NUP160: variants seen among roughly 807,000 people sequenced by gnomAD.
NUP160 encodes nucleoporin 160, also known as nuclear pore complex protein Nup160.
A neutral mutation model predicts 196.9 loss-of-function variants in NUP160; 94 were observed. The observed-to-expected ratio is 0.48, with a 90% confidence interval of 0.40 to 0.57. The LOEUF is 0.57. Ranked by LOEUF, NUP160 falls within the 20% of genes least tolerant of loss-of-function variation. The pLI, the probability that NUP160 is intolerant of heterozygous loss-of-function variation, is 0.00. For synonymous variants in NUP160, 605 were observed against 619.7 expected (o/e 0.98, Z 0.35); for missense variants, 1,638 against 1,748.3 (o/e 0.94, Z 1.13).
intron 10 of NUP160, among the ~76,000 whole-genome samples, chr11:47,818,868 C>A (rs1851794844): frequency 6.6e-6 from 1 of 152,106 alleles, no homozygotes; most frequent in Non-Finnish European, 1.5e-5. Flanking sequence ...ATTAAGAGTG[C>A]AGTAATATTC....
exon 2 of NUP160, chr11:47,847,929 T>C (rs1204260914): frequency 4.3e-6 from 7 of 1,614,016 alleles, no homozygotes; most frequent in Middle Eastern, 1.6e-4. Flanking sequence ...TTCACTGTAT[T>C]TTACGGCGCC....
Position 47,840,308 on chromosome 11 carries a change from G to A in NUP160, c.525+70C>T, listed in dbSNP as rs758300756. Reference sequence around the variant, plus strand: ...ATTTCCTTCAATTCCAAAAGACATCGCTCCAGCACTACATTTGTGACACCC... The same window carrying A: ...ATTTCCTTCAATTCCAAAAGACATCACTCCAGCACTACATTTGTGACACCC... On this transcript the variant is annotated intron_variant, in intron 3 of 35. Coordinates refer to ENST00000378460, the Ensembl canonical transcript of NUP160. The A allele has an allele frequency of 1.5e-5, 20 of 1,328,836 alleles. No homozygotes were observed. The Middle Eastern group carries it at 9.0e-4, about 60-fold the overall frequency. 82.3% of individuals were successfully genotyped at this position (1,328,836 alleles called of 1,614,324 possible).
At chr11:47,840,112 A>C (rs1414919583) in intron 3 of NUP160, 47 bp from the exon 4 acceptor site, 2 of 1,457,948 alleles carry the variant, frequency 1.4e-6, no homozygotes, top group Non-Finnish European at 1.9e-6. Flanking sequence ...AAATAACCAG[A>C]ATTTTGCTCA....
At chr11:47,796,476 C>A in intron 27 of NUP160, 11 of 283,984 alleles carry the variant, frequency 3.9e-5, no homozygotes, top group East Asian at 5.5e-5. Flanking sequence ...CAAAAACAAA[C>A]AAGTAAGTAA....
Position 47,784,910 on chromosome 11 carries a change from T to C in NUP160, c.3990+12A>G, listed in dbSNP as rs1209046425. On this transcript the variant is annotated intron_variant, in intron 33 of 35. Transcript: ENST00000378460. ...GTGGGTTCTTACTCTGTACAAGTTA[T>C]AATCCGTTTACCTTGTAACTGTTTA... 1.3e-6 allele frequency: 2 copies of C among 1,567,936 alleles called. No individual in the cohort carries two copies. Among genetic ancestry groups the C allele is most frequent in the Admixed American group, 3.8e-5 (2 of 53,220 alleles).
At chr11:47,797,743 G>T in intron 27 of NUP160, 36 bp downstream of exon 27, 1 of 1,406,460 alleles carries the variant, frequency 7.1e-7, no homozygotes, top group Non-Finnish European at 1.0e-6. Context: ...AACTAATAAG[G>T]CTGTCTGCAA....
chr11:47,824,045 A>ATG (rs1555005035), intron 7 of NUP160, among the ~76,000 whole-genome samples: 2,412 of 98,268 alleles, frequency 0.025, 97 homozygotes, highest in Middle Eastern at 0.044. Flanking sequence ...ATATATATAT[A>ATG]TATATATACA....
chr11:47,821,529 A>G (rs1254647653), intron 9 of NUP160, 195 bp downstream of exon 9: 1 of 522,356 alleles, frequency 1.9e-6, no homozygotes, highest in Admixed American at 3.6e-5. Context: ...GGCCCAGCTA[A>G]TTTTTTGTGT....
chr11:47,797,051 G>A (rs1033196074), intron 27 of NUP160, among the ~76,000 whole-genome samples: 7 of 152,138 alleles, frequency 4.6e-5, no homozygotes, highest in African/African-American at 1.7e-4. Flanking sequence ...GGGGATGTGG[G>A]ACAATCTAAC....
chr11:47,798,287 A>T lies in NUP160; in HGVS notation c.2992-25T>A, dbSNP rs779317932. 5 of 1,565,290 alleles carry T rather than the reference A, an allele frequency of 3.2e-6. No individual in the cohort carries two copies. In the East Asian group the frequency reaches 1.1e-4, roughly 35 times the overall value. ...CCTAAATATCAAATGTAGATCAAAT[A>T]TCAAAAAGAGCAATAGAAATGAACA... On this transcript the variant is annotated intron_variant, in intron 24 of 35. Transcript: ENST00000378460.
At chr11:47,802,015 G>A in intron 22 of NUP160, 85 bp from the exon 23 acceptor site, 4 of 1,326,940 alleles carry the variant, frequency 3.0e-6, no homozygotes, top group South Asian at 1.3e-5. Flanking sequence ...GTAAGGGAAA[G>A]CCAAAAAAGA....
chr11:47,792,042 A>G (rs2097668184), intron 28 of NUP160, 52 bp from the exon 29 acceptor site: 1 of 1,263,852 alleles, frequency 7.9e-7, no homozygotes, highest in Non-Finnish European at 1.1e-6. Flanking sequence ...TTTTATTCTG[A>G]TATCATTAAC....
chr11:47,782,659 ATTTAT>A (rs908274473), intron 34 of NUP160, among the ~76,000 whole-genome samples: 291 of 151,704 alleles, frequency 1.9e-3, no homozygotes, highest in African/African-American at 6.9e-3. Context: ...TTTATTATTT[ATTTAT>A]TTATTTATTT....
At chr11:47,837,041 A>T (rs1397987525) in intron 5 of NUP160, 40 bp from the exon 6 acceptor site, 1 of 1,120,020 alleles carries the variant, frequency 8.9e-7, no homozygotes. Flanking sequence ...TACTGCTGCA[A>T]AGAATCTGAT....
chr11:47,798,016 C>A (rs1447780157), exon 26 of NUP160: 1 of 1,580,758 alleles, frequency 6.3e-7, no homozygotes, highest in East Asian at 2.3e-5. Flanking sequence ...TCTACAAGAT[C>A]CTGTAGCTGT....
At chr11:47,807,836 T>TATAAC (rs1489676132) in intron 18 of NUP160, among the ~76,000 whole-genome samples, 1 of 67,412 alleles carries the variant, frequency 1.5e-5, no homozygotes. Context: ...AGTACATAAG[T>TATAAC]ATAATACATA....
intron 5 of NUP160, 87 bp from the exon 6 acceptor site, chr11:47,837,088 A>T (rs1852191735): frequency 1.4e-6 from 1 of 714,366 alleles, no homozygotes; most frequent in African/African-American, 1.8e-5. Flanking sequence ...TAATAAAATT[A>T]TAAATGTACA....
intron 20 of NUP160, among the ~76,000 whole-genome samples, chr11:47,805,896 C>T (rs2097677284): frequency 6.6e-6 from 1 of 152,058 alleles, no homozygotes; most frequent in South Asian, 2.1e-4. Context: ...GCTTGGCTCA[C>T]TGCAACCTCC....
chr11:47,826,879 A>G (rs1389108483), intron 7 of NUP160, among the ~76,000 whole-genome samples: 1 of 152,060 alleles, frequency 6.6e-6, no homozygotes, highest in Non-Finnish European at 1.5e-5. Context: ...CCTTTGCATA[A>G]TAACACTGCA....
Sources: allele counts gnomAD v4.1 joint callset (sites outside exome capture counted in the v4.1 genomes callset), GRCh38; gene constraint gnomAD v4.1.1; transcripts MANE v1.5; gene names NCBI Gene and HGNC (gene_info 2026-07-23, HGNC 2026-07-21).